Variants in SYT1 observed in about 807,000 individuals in gnomAD.
SYT1 encodes the protein synaptotagmin 1.
A neutral mutation model predicts 44.8 loss-of-function variants in SYT1; 8 were observed. The ratio of observed to expected loss-of-function variants is 0.18; its 90% CI spans 0.10 to 0.32. The LOEUF (loss-of-function observed/expected upper bound fraction) is 0.32. Ranked by LOEUF, SYT1 falls within the 10% of genes least tolerant of loss-of-function variation. The probability of loss-of-function intolerance (pLI) is 1.00; values close to 1 mark genes in which losing one functional copy is unlikely to be tolerated. For missense variants in SYT1, 286 were observed against 509.3 expected, an observed-to-expected ratio of 0.56 and a Z score of 4.22; for synonymous variants, 154 against 188.8, an observed-to-expected ratio of 0.82 and a Z score of 1.51.
intron 4 of SYT1, among the ~76,000 whole-genome samples, chr12:79,266,114 T>C (rs1482700978): frequency 6.6e-6 from 1 of 152,198 alleles, no homozygotes; most frequent in African/African-American, 2.4e-5. Context: ...TTTCTCTGCC[T>C]CTGATTATAT....
At chr12:79,387,297 A>C (rs1884474355) in intron 9 of SYT1, among the ~76,000 whole-genome samples, 1 of 152,214 alleles carries the variant, frequency 6.6e-6, no homozygotes. Flanking sequence ...AAGAGACTAG[A>C]AATGTAGTGA....
chr12:78,915,199 ATT>A (rs1440474162), intron 1 of SYT1, among the ~76,000 whole-genome samples: 3 of 152,044 alleles, frequency 2.0e-5, no homozygotes, highest in Non-Finnish European at 4.4e-5. Context: ...TCAGATCACT[ATT>A]TTAATAATAG....
chr12:78,923,056 T>C (rs1378005690), intron 1 of SYT1, among the ~76,000 whole-genome samples: 1 of 151,942 alleles, frequency 6.6e-6, no homozygotes, highest in African/African-American at 2.4e-5. Context: ...TGTGGTTGAA[T>C]GTAAGGAGCA....
At position 79,089,497 on chromosome 12, in the gene SYT1, GA is replaced by G. The variant is rs1317760421; in HGVS notation, c.-18+42148del. 2.8e-3 allele frequency among the ~76,000 whole-genome samples: 192 copies of G among 68,874 alleles called. 1 individual carries two copies. The highest frequency in any genetic ancestry group is 6.6e-3 in the African/African-American group (119 of 17,900). 45.2% of individuals were successfully genotyped at this position (68,874 alleles called of 152,430 possible). The stretch of plus-strand genomic sequence containing the variant: ...CAGTAATCACTTGTGGAAGTCAACT[GA>G]AAAAAAAAAAAAGAAAAGAAAAAAA... On this transcript the variant is annotated intron_variant, in intron 3 of 10. Transcript: ENST00000261205.
chr12:79,382,258 A>G (rs76345977), intron 9 of SYT1, among the ~76,000 whole-genome samples: 3,639 of 152,254 alleles, frequency 0.024, 72 homozygotes, highest in Non-Finnish European at 0.037. Flanking sequence ...ATAATGCTCT[A>G]AAGTTGATCC....
In SYT1 at chr12:79,449,130, A is replaced by C; in HGVS notation, c.*6A>C. ...TGCTGGCCGTCAAGAAGTAAAGGAA[A>C]GAAGAAGCCTTTCTGCATTTGCCCA... On this transcript the variant is annotated 3_prime_UTR_variant, in exon 11 of 11. Coordinates refer to ENST00000261205, the MANE Select transcript of SYT1 (RefSeq NM_005639.3). 1 of 1,599,060 alleles carries C rather than the reference A, an allele frequency of 6.3e-7. No individual in the cohort carries two copies. The highest frequency in any genetic ancestry group is 1.1e-5 in the South Asian group (1 of 89,306).
At chr12:79,044,022 G>A (rs1303197417) in intron 2 of SYT1, among the ~76,000 whole-genome samples, 1 of 152,138 alleles carries the variant, frequency 6.6e-6, no homozygotes, top group African/African-American at 2.4e-5. Context: ...GCTTCCCTTT[G>A]TGGGTAACCC....
At chr12:78,975,272 T>C (rs904420791) in intron 1 of SYT1, among the ~76,000 whole-genome samples, 2 of 152,168 alleles carry the variant, frequency 1.3e-5, no homozygotes, top group African/African-American at 4.8e-5. Flanking sequence ...TAAACACTTA[T>C]GTTATACTCT....
Position 79,268,243 on chromosome 12 carries a change from AAG to A in SYT1, c.167-17539_167-17538del, listed in dbSNP as rs533668345. Among the ~76,000 whole-genome samples, 881 of 152,314 alleles carry A rather than the reference AAG, an allele frequency of 5.8e-3. 4 individuals are homozygous for A. Among genetic ancestry groups the A allele is most frequent in the Non-Finnish European group, 8.6e-3 (582 of 68,026 alleles). On this transcript the variant is annotated intron_variant, in intron 4 of 10. Transcript: ENST00000261205. ...GTATTGACAGTTGAGTTTATGGGCAAAGAGAGGCAGATTTACGATTCTATTAA... is the reference window on the plus strand; with the variant it reads ...GTATTGACAGTTGAGTTTATGGGCAAAGAGGCAGATTTACGATTCTATTAA...
At chr12:79,013,799 A>G (rs1189921023) in intron 2 of SYT1, among the ~76,000 whole-genome samples, 2 of 152,154 alleles carry the variant, frequency 1.3e-5, no homozygotes, top group Non-Finnish European at 2.9e-5. Flanking sequence ...TTCATGTAAG[A>G]CCAAGATTCT....
At chr12:79,038,066 G>T (rs73351478) in intron 2 of SYT1, among the ~76,000 whole-genome samples, 5,139 of 151,354 alleles carry the variant, frequency 0.034, 214 homozygotes, top group Admixed American at 0.085. Context: ...TGCAGGGATA[G>T]TACAGGTTCT....
At chr12:78,936,097 G>A (rs1377765903) in intron 1 of SYT1, among the ~76,000 whole-genome samples, 1 of 152,028 alleles carries the variant, frequency 6.6e-6, no homozygotes, top group Non-Finnish European at 1.5e-5. Context: ...CAATTATTGA[G>A]ATCCACTGTA....
At chr12:78,972,943 T>C (rs1025022945) in intron 1 of SYT1, among the ~76,000 whole-genome samples, 1 of 152,138 alleles carries the variant, frequency 6.6e-6, no homozygotes, top group Non-Finnish European at 1.5e-5. Flanking sequence ...AATAATTGAA[T>C]CTTACTCTAC....
At chr12:78,907,409 C>T (rs1014997913) in intron 1 of SYT1, among the ~76,000 whole-genome samples, 4 of 151,716 alleles carry the variant, frequency 2.6e-5, no homozygotes, top group African/African-American at 7.3e-5. Context: ...TTACATAATA[C>T]ATAAATAGAT....
At chr12:79,304,482 T>G (rs773849659) in intron 8 of SYT1, among the ~76,000 whole-genome samples, 4 of 152,162 alleles carry the variant, frequency 2.6e-5, no homozygotes, top group East Asian at 1.9e-4. Context: ...ATTGTTTTTG[T>G]TTTTGGTTTT....
At chr12:79,188,334 C>A (rs1055913818) in intron 3 of SYT1, among the ~76,000 whole-genome samples, 1 of 152,076 alleles carries the variant, frequency 6.6e-6, no homozygotes. Flanking sequence ...TCTGGAACAT[C>A]TGAGTGCAAG....
chr12:79,410,266 T>A (rs1269427514), intron 9 of SYT1, among the ~76,000 whole-genome samples: 1 of 152,142 alleles, frequency 6.6e-6, no homozygotes, highest in Non-Finnish European at 1.5e-5. Context: ...CAATATGAAC[T>A]ATTACTAAAG....
At chr12:79,242,708 C>A (rs1393315243) in intron 4 of SYT1, among the ~76,000 whole-genome samples, 1 of 152,150 alleles carries the variant, frequency 6.6e-6, no homozygotes, top group Non-Finnish European at 1.5e-5. Context: ...AAACTAAGTT[C>A]TTGAACCAAC....
intron 3 of SYT1, among the ~76,000 whole-genome samples, chr12:79,132,674 C>CAAA (rs71091641): frequency 1.6e-4 from 7 of 43,708 alleles, no homozygotes; most frequent in Non-Finnish European, 2.2e-4. Context: ...GGAGTTTTCT[C>CAAA]AAAAAAAAAA....
Sources: gnomAD v4.1 joint callset for allele counts (sites outside exome capture counted in the v4.1 genomes callset) on GRCh38, gnomAD v4.1.1 for gene constraint, MANE v1.5 for transcripts, NCBI Gene and HGNC (gene_info 2026-07-23, HGNC 2026-07-21) for gene names.